Variants in ANO1 observed in about 807,000 individuals in gnomAD.
The protein encoded by ANO1 is anoctamin 1.
Under a neutral mutation model 124.0 loss-of-function variants are expected in ANO1, and 59 were observed. The observed-to-expected ratio is 0.48, with a 90% CI of 0.39 to 0.59. The LOEUF (loss-of-function observed/expected upper bound fraction) is 0.59. ANO1 is among the 20% of genes least tolerant of loss of function. The pLI is 0.00. For synonymous variants in ANO1, 529 were observed against 532.0 expected, an observed-to-expected ratio of 0.99 and a Z score of 0.08; for missense variants, 1,059 against 1,328.0, an observed-to-expected ratio of 0.80 and a Z score of 3.15.
chr11:70,085,483 G>T (rs1201203292), intron 1 of ANO1: 2 of 1,536,078 alleles, frequency 1.3e-6, no homozygotes. Flanking sequence ...GTAGAGAGAA[G>T]TCAGTTGCTT....
chr11:70,025,559 A>G (rs1856880321), intron 1 of ANO1, among the ~76,000 whole-genome samples: 1 of 142,926 alleles, frequency 7.0e-6, no homozygotes, highest in Non-Finnish European at 1.5e-5. Flanking sequence ...TGGTGATGAC[A>G]ATGATGATGA....
rs201272431 is a variant in ANO1, at chr11:70,149,727, C to A, written c.1276C>A (p.His426Asn). 1.5e-3 allele frequency: 2,384 copies of A among 1,613,622 alleles called. 3 individuals carry two copies. Among genetic ancestry groups the A allele is most frequent in the Non-Finnish European group, 1.8e-3 (2,102 of 1,179,830 alleles). The change falls in exon 12 of 26, where the codon CAC (histidine) becomes AAC (asparagine). Residue 426 changes from histidine to asparagine, a missense_variant. By Grantham distance (68) the His-to-Asn change is moderately conservative. This residue lies in a region of ANO1 where 809 missense variants were observed against 1,094.9 expected (regional missense o/e 0.74). Transcript: ENST00000355303. ...GCCCGCAGCTGCCACCTTCATGGAG[C>A]ACTGGAAGCGGAAACAGATGCGACT... ...MALWAATFME[H>N]WKRKQMRLNY...
intron 2 of ANO1, among the ~76,000 whole-genome samples, chr11:70,099,874 C>T (rs1055955236): frequency 2.6e-5 from 4 of 152,282 alleles, no homozygotes; most frequent in East Asian, 3.9e-4. Context: ...GCCCAGGCCA[C>T]GCCGTCCCAG....
At position 70,092,238 on chromosome 11, in the gene ANO1, C is replaced by T. The variant is rs184012664; in HGVS notation, c.441+4154C>T. 1.7e-3 allele frequency among the ~76,000 whole-genome samples: 260 copies of T among 152,280 alleles called. 1 individual carries two copies. Among genetic ancestry groups the T allele is most frequent in the African/African-American group, 5.1e-3 (210 of 41,570 alleles). On this transcript the variant is annotated intron_variant, in intron 2 of 25. Transcript: ENST00000355303. ...TCATTCTATTTGGGGCCCACCCCTA[C>T]GACTTTATCTTAACTCGGTTACATC...
At chr11:70,071,127 C>T (rs1857863611) in intron 1 of ANO1, among the ~76,000 whole-genome samples, 1 of 152,156 alleles carries the variant, frequency 6.6e-6, no homozygotes, top group African/African-American at 2.4e-5. Flanking sequence ...CCTGTGTGAC[C>T]AGCTCTGTCA....
In ANO1 at chr11:70,163,301, C is replaced by A. The variant is rs377487688; in HGVS notation, c.1911C>A (p.Gly637=). 1 of 1,613,812 alleles carries A rather than the reference C, an allele frequency of 6.2e-7. No homozygotes were observed. Among genetic ancestry groups the A allele is most frequent in the Non-Finnish European group, 8.5e-7 (1 of 1,179,878 alleles). ...FFKGRFVGRP[G]DYVYIFRSFR... ...GTTTCAGGTTTGTTGGACGCCCGGG[C>A]GACTACGTGTACATTTTCCGTTCCT... The change falls in exon 19 of 26, where the codon GGC becomes GGA. Residue 637 remains glycine (G), a synonymous_variant. Transcript: ENST00000355303.
chr11:70,168,633 A>AG lies in ANO1; in HGVS notation c.2197+1253dup, dbSNP rs150488343. On this transcript the variant is annotated intron_variant, in intron 21 of 25. Coordinates refer to ENST00000355303, the MANE Select transcript of ANO1 (RefSeq NM_018043.7). ...AAGGCAGTCAGGAAGACTCCTGCAGAGGGGGGGTCCCAGCATGCAGTGCCC... is the reference window on the plus strand; with the variant it reads ...AAGGCAGTCAGGAAGACTCCTGCAGAGGGGGGGGTCCCAGCATGCAGTGCCC... Among the ~76,000 whole-genome samples, 1,043 of 152,198 alleles carry AG rather than the reference A, an allele frequency of 6.9e-3. 9 individuals are homozygous for AG. The highest frequency in any genetic ancestry group is 0.023 in the African/African-American group (968 of 41,510).
At chr11:70,102,588 C>A (rs1054363485) in intron 2 of ANO1, among the ~76,000 whole-genome samples, 1 of 152,224 alleles carries the variant, frequency 6.6e-6, no homozygotes, top group Non-Finnish European at 1.5e-5. Flanking sequence ...CCCTGACCCA[C>A]AGGGGAAGAT....
rs762660691 is a variant in ANO1 at position 70,185,578 on chromosome 11, G to C, written c.2589-12G>C. Reference sequence around the variant, plus strand: ...GAAGTCCCACCCTCGACTCCACCACGGTCTTTTGCAGGTATAAAGACTACC... The same window carrying C: ...GAAGTCCCACCCTCGACTCCACCACCGTCTTTTGCAGGTATAAAGACTACC... On this transcript the variant is annotated splice_polypyrimidine_tract_variant and intron_variant, in intron 24 of 25. Coordinates refer to ENST00000355303, the MANE Select transcript of ANO1 (RefSeq NM_018043.7). 1.7e-5 allele frequency: 27 copies of C among 1,611,032 alleles called. No individual in the cohort carries two copies. Among genetic ancestry groups the C allele is most frequent in the Non-Finnish European group, 2.1e-5 (25 of 1,177,724 alleles).
chr11:70,034,974 A>G (rs1857068894), intron 1 of ANO1, among the ~76,000 whole-genome samples: 1 of 151,682 alleles, frequency 6.6e-6, no homozygotes, highest in African/African-American at 2.4e-5. Flanking sequence ...AACAGGATCT[A>G]GTGGGCCACA....
intron 16 of ANO1, among the ~76,000 whole-genome samples, chr11:70,157,292 G>A (rs554415123): frequency 6.6e-6 from 1 of 150,740 alleles, no homozygotes; most frequent in Non-Finnish European, 1.5e-5. Flanking sequence ...GCTTGAACCC[G>A]GGAGGCAGAG....
intron 1 of ANO1, among the ~76,000 whole-genome samples, chr11:70,063,128 A>T (rs1378651125): frequency 6.6e-6 from 1 of 151,958 alleles, no homozygotes; most frequent in African/African-American, 2.4e-5. Context: ...ATGGGGTTTC[A>T]CCATATTGGC....
intron 4 of ANO1, 144 bp downstream of exon 4, chr11:70,104,294 A>T: frequency 1.0e-6 from 1 of 953,588 alleles, no homozygotes; most frequent in Non-Finnish European, 1.5e-6. Flanking sequence ...AGCCCAGAAG[A>T]GGCTGTGGAA....
chr11:70,063,217 C>A (rs981379933), intron 1 of ANO1, among the ~76,000 whole-genome samples: 21 of 152,242 alleles, frequency 1.4e-4, no homozygotes, highest in African/African-American at 4.3e-4. Flanking sequence ...CCGCGCCCAG[C>A]CGATAATGAT....
At chr11:70,022,557 G>A (rs1420379476) in intron 1 of ANO1, among the ~76,000 whole-genome samples, 1 of 151,406 alleles carries the variant, frequency 6.6e-6, no homozygotes, top group Non-Finnish European at 1.5e-5. Flanking sequence ...AGTGAGCCGA[G>A]ATCATGCCAC....
intron 1 of ANO1, among the ~76,000 whole-genome samples, chr11:70,071,503 T>A (rs1857873120): frequency 6.6e-6 from 1 of 152,200 alleles, no homozygotes. Flanking sequence ...CACATGTGAC[T>A]TTGAGCCCTA....
At chr11:70,059,212 G>A (rs1422301224) in intron 1 of ANO1, among the ~76,000 whole-genome samples, 2 of 151,958 alleles carry the variant, frequency 1.3e-5, no homozygotes, top group East Asian at 1.9e-4. Flanking sequence ...CTAGCCAGGT[G>A]TGGTGGCAGG....
At chr11:70,124,981 G>A (rs2046434808) in intron 9 of ANO1, among the ~76,000 whole-genome samples, 2 of 152,232 alleles carry the variant, frequency 1.3e-5, no homozygotes, top group African/African-American at 2.4e-5. Context: ...AGCCTCAGGG[G>A]AAGTAGGCCC....
At chr11:70,125,233 C>G (rs886243325) in intron 9 of ANO1, among the ~76,000 whole-genome samples, 1 of 152,174 alleles carries the variant, frequency 6.6e-6, no homozygotes, top group African/African-American at 2.4e-5. Context: ...GTCCCAGCTA[C>G]TAGGGAGGCT....
Sources: gnomAD v4.1 joint callset for allele counts (sites outside exome capture counted in the v4.1 genomes callset) on GRCh38, gnomAD v4.1.1 for gene constraint, gnomAD v4.1.1 regional missense constraint, MANE v1.5 for transcripts, NCBI Gene and HGNC (gene_info 2026-07-23, HGNC 2026-07-21) for gene names.